Variants in ZNF469 observed in about 807,000 individuals in gnomAD.
ZNF469 encodes the protein zinc finger protein 469.
ZNF469 carries 1 observed loss-of-function variant against 1.0 expected under a neutral mutation model. The observed-to-expected ratio is 1.00, with a 90% CI of 0.35 to 4.73. ZNF469 has a LOEUF of 4.73. ZNF469 is among the 30% of genes most tolerant of loss of function. ZNF469 has a pLI of 0.16. For missense variants in ZNF469, 6,100 were observed against 5,356.3 expected, an observed-to-expected ratio of 1.14 and a Z score of -4.33; for synonymous variants, 2,703 against 2,363.4, an observed-to-expected ratio of 1.14 and a Z score of -4.17.
At chr16:88,152,760 G>T in the ZNF469 span, among the ~76,000 whole-genome samples, 1 of 152,158 alleles carries the variant, frequency 6.6e-6, no homozygotes, top group Non-Finnish European at 1.5e-5. The surrounding 1 kb of genome is among the most constrained non-coding windows in gnomAD (Gnocchi z 4.2). Context: ...TTCTGGGAAG[G>T]CGAGGGTCGG....
chr16:88,330,527 G>C, the ZNF469 span, among the ~76,000 whole-genome samples: 1 of 152,234 alleles, frequency 6.6e-6, no homozygotes, highest in African/African-American at 2.4e-5. Context: ...ACGTGTTGTG[G>C]TTTTCCTGGC....
intron 1 of ZNF469, among the ~76,000 whole-genome samples, chr16:88,397,613 A>G (rs1270584123): frequency 6.8e-6 from 1 of 146,574 alleles, no homozygotes; most frequent in East Asian, 2.0e-4. Context: ...TGATGGATGG[A>G]TGGATGGGTG....
chr16:88,307,388 G>T, the ZNF469 span, among the ~76,000 whole-genome samples: 1 of 152,254 alleles, frequency 6.6e-6, no homozygotes, highest in African/African-American at 2.4e-5. Flanking sequence ...TACAGTCACT[G>T]TACAGTTAAC....
the ZNF469 span, among the ~76,000 whole-genome samples, chr16:88,289,377 G>A: frequency 6.6e-6 from 1 of 151,792 alleles, no homozygotes; most frequent in African/African-American, 2.4e-5. Context: ...TGGTGATGAT[G>A]GTGATGGTGA....
At chr16:88,119,479 T>C in the ZNF469 span, among the ~76,000 whole-genome samples, 5 of 152,202 alleles carry the variant, frequency 3.3e-5, no homozygotes, top group African/African-American at 1.2e-4. Flanking sequence ...TGGTCACCAA[T>C]TTTCCTTCCA....
chr16:88,398,977 T>A (rs906700450), intron 1 of ZNF469, among the ~76,000 whole-genome samples: 2 of 152,180 alleles, frequency 1.3e-5, no homozygotes, highest in African/African-American at 4.8e-5. Context: ...TTAACCTCAT[T>A]TAACAGATAA....
At position 88,437,138 on chromosome 16, in the gene ZNF469, C is replaced by G. The variant is rs1207340021; in HGVS notation, c.9668C>G (p.Ala3223Gly). The G allele has an allele frequency of 6.5e-7, 1 of 1,548,898 alleles. No individual in the cohort carries two copies. Among genetic ancestry groups the G allele is most frequent in the Admixed American group, 2.0e-5 (1 of 50,994 alleles). ...CCCGGAGGCCTGGAGGGCAGCAGCG[C>G]TGTCGCCCACCTTCTGAACAGCATC... is the stretch of plus-strand genomic sequence containing the variant. Reference protein sequence around the residue: ...DLPGGLEGSSAVAHLLNSITE... With the variant: ...DLPGGLEGSSGVAHLLNSITE... Residue 3223 changes from alanine (A) to glycine (G), a missense_variant, in exon 3 of 3, where the codon GCT becomes GGT. Physicochemically the swap from Ala to Gly is moderately conservative, Grantham distance 60. Transcript: ENST00000565624.
chr16:88,431,872 C>A lies in ZNF469; in HGVS notation c.4402C>A (p.Leu1468Ile). Reference sequence around the variant, plus strand: ...GCCGGTGGACAGATTCGACCCACCCCTCTATGGCAGCCTGTCTGCGAACAG... The same window carrying A: ...GCCGGTGGACAGATTCGACCCACCCATCTATGGCAGCCTGTCTGCGAACAG... ...DLPVDRFDPP[L>I]YGSLSANRDS... The change falls in exon 3 of 3, where the codon CTC becomes ATC. Residue 1468 changes from leucine (L) to isoleucine (I), a missense_variant. By Grantham distance (5) the Leu-to-Ile change is conservative. Transcript: ENST00000565624. The A allele has an allele frequency of 6.5e-7, 1 of 1,550,110 alleles. No individual in the cohort carries two copies. The highest frequency in any genetic ancestry group is 8.7e-7 in the Non-Finnish European group (1 of 1,146,846).
rs1250983618 is a variant in ZNF469 at position 88,439,805 on chromosome 16, C to A, written c.*473C>A. 2 of 234,768 alleles carry A rather than the reference C, an allele frequency of 8.5e-6. No homozygotes were observed. Among genetic ancestry groups the A allele is most frequent in the Admixed American group, 5.2e-5 (1 of 19,132 alleles). 14.5% of individuals were successfully genotyped at this position (234,768 alleles called of 1,614,324 possible). A position where few individuals can be genotyped will look rare whatever the true frequency, so the allele number is the denominator to read the frequency against. On this transcript the variant is annotated 3_prime_UTR_variant, in exon 3 of 3. Coordinates refer to ENST00000565624, the MANE Select transcript of ZNF469 (RefSeq NM_001367624.2). ...TGGAATTCCAAAGTGACCTTAGAAA[C>A]CACGTGGGGGAAGGCAGTGCTCACT...
the ZNF469 span, among the ~76,000 whole-genome samples, chr16:88,328,146 G>A: frequency 6.6e-6 from 1 of 152,242 alleles, no homozygotes; most frequent in Admixed American, 6.5e-5. Context: ...AGGAGCTGCC[G>A]AGTCTGTGCT....
chr16:88,207,384 G>T, the ZNF469 span, among the ~76,000 whole-genome samples: 3 of 110,326 alleles, frequency 2.7e-5, no homozygotes, highest in South Asian at 8.8e-4. Flanking sequence ...GGAGGGGAGG[G>T]GAGGCCGCGG....
At chr16:88,380,291 A>T (rs2092517765), upstream of ZNF469, among the ~76,000 whole-genome samples, 1 of 151,346 alleles carries the variant, frequency 6.6e-6, no homozygotes, top group Non-Finnish European at 1.5e-5. Context: ...ATGCACACAC[A>T]CACACGCACT....
the ZNF469 span, among the ~76,000 whole-genome samples, chr16:88,200,870 C>A: frequency 6.6e-6 from 1 of 152,258 alleles, no homozygotes; most frequent in Non-Finnish European, 1.5e-5. Context: ...CCACTCAGGT[C>A]GCGTTCCTCC....
intron 1 of ZNF469, among the ~76,000 whole-genome samples, chr16:88,409,116 G>C (rs1567503427): frequency 6.6e-6 from 1 of 152,220 alleles, no homozygotes; most frequent in African/African-American, 2.4e-5. Context: ...AGGGTCATGG[G>C]ACCAGAGACC....
At chr16:88,287,844 A>G in the ZNF469 span, among the ~76,000 whole-genome samples, 1 of 152,328 alleles carries the variant, frequency 6.6e-6, no homozygotes, top group African/African-American at 2.4e-5. Flanking sequence ...GTGATCACGT[A>G]GCTGTAATTC....
the ZNF469 span, among the ~76,000 whole-genome samples, chr16:88,121,358 A>G: frequency 1.3e-5 from 2 of 152,150 alleles, no homozygotes; most frequent in East Asian, 3.9e-4. Flanking sequence ...ACATAAAAAC[A>G]TAGAGTTAAA....
chr16:88,349,763 C>G, the ZNF469 span, among the ~76,000 whole-genome samples: 2 of 78,772 alleles, frequency 2.5e-5, no homozygotes, highest in East Asian at 4.1e-4. Flanking sequence ...ATGCCCAGCA[C>G]AATACACACC....
chr16:88,253,039 T>C, the ZNF469 span, among the ~76,000 whole-genome samples: 5 of 152,236 alleles, frequency 3.3e-5, no homozygotes, highest in South Asian at 2.1e-4. Context: ...CAGTGGCTCA[T>C]TGCTTTTTAT....
At chr16:88,331,929 T>G in the ZNF469 span, among the ~76,000 whole-genome samples, 1 of 152,124 alleles carries the variant, frequency 6.6e-6, no homozygotes, top group Non-Finnish European at 1.5e-5. Flanking sequence ...GCTTTAGGAG[T>G]AGCCCCCTCC....
Sources: gnomAD v4.1 joint callset for allele counts (sites outside exome capture counted in the v4.1 genomes callset) on GRCh38, gnomAD v4.1.1 for gene constraint, Gnocchi (gnomAD v3.1) non-coding constraint, MANE v1.5 for transcripts, NCBI Gene and HGNC (gene_info 2026-07-23, HGNC 2026-07-21) for gene names.